FNDC1: variants seen among roughly 807,000 people sequenced by gnomAD.
FNDC1 encodes fibronectin type III domain containing 1, also known as fibronectin type III domain-containing protein 1.
A neutral mutation model predicts 168.0 loss-of-function variants in FNDC1; 96 were observed. The observed-to-expected ratio is 0.57, with a 90% confidence interval of 0.48 to 0.68. The LOEUF is 0.68. Among genes scored for constraint, FNDC1 ranks in the 30% least tolerant of loss-of-function variants. The pLI is 0.00. For missense variants in FNDC1, 2,587 were observed against 2,482.1 expected (o/e 1.04, Z -0.90); for synonymous variants, 1,099 against 1,025.9 (o/e 1.07, Z -1.36).
At position 159,169,494 on chromosome 6, in the gene FNDC1, C is replaced by A; in HGVS notation, c.-103C>A. The A allele has an allele frequency of 8.9e-6, 2 of 224,338 alleles. No homozygotes were observed. The highest frequency in any genetic ancestry group is 7.9e-6 in the Non-Finnish European group (1 of 126,236). 13.9% of individuals were successfully genotyped at this position (224,338 alleles called of 1,614,324 possible). A position where few individuals can be genotyped will look rare whatever the true frequency, so the allele number is the denominator to read the frequency against. On this transcript the variant is annotated 5_prime_UTR_variant, in exon 1 of 23. Transcript: ENST00000297267. The surrounding 1 kb of genome is among the most constrained non-coding windows in gnomAD (Gnocchi z 6.8). ...GCGCAGAGCGCGCAGAACAGACGGA[C>A]GGCGGCGGGGACCCGACGGCGGCGC...
intron 15 of FNDC1, among the ~76,000 whole-genome samples, 160 bp downstream of exon 15, chr6:159,247,129 C>T (rs888806915): frequency 4.6e-5 from 7 of 152,150 alleles, no homozygotes; most frequent in African/African-American, 1.7e-4. Flanking sequence ...TTGTACCCCA[C>T]GCTTCCTTGT....
At chr6:159,239,304 G>A (rs1783345534) in intron 13 of FNDC1, among the ~76,000 whole-genome samples, 1 of 152,156 alleles carries the variant, frequency 6.6e-6, no homozygotes, top group South Asian at 2.1e-4. Context: ...TTAGGCATAG[G>A]AATGAGGCAA....
intron 5 of FNDC1, among the ~76,000 whole-genome samples, chr6:159,217,058 T>G (rs999538247): frequency 6.6e-6 from 1 of 152,302 alleles, no homozygotes. Context: ...GTGTGCTATG[T>G]GGGGATGCGC....
intron 1 of FNDC1, among the ~76,000 whole-genome samples, chr6:159,182,214 G>C (rs919716432): frequency 2.0e-5 from 3 of 152,210 alleles, no homozygotes; most frequent in African/African-American, 7.2e-5. Context: ...AGCAGATTGT[G>C]TGTCCCTCTT....
intron 1 of FNDC1, among the ~76,000 whole-genome samples, chr6:159,174,984 A>G (rs1240873775): frequency 2.0e-5 from 3 of 152,204 alleles, no homozygotes; most frequent in African/African-American, 4.8e-5. Flanking sequence ...ATTATATACT[A>G]TGTATTCTAA....
At chr6:159,236,151 A>T in intron 11 of FNDC1, 64 bp from the exon 12 acceptor site, 1 of 1,195,152 alleles carries the variant, frequency 8.4e-7, no homozygotes, top group Non-Finnish European at 1.2e-6. Context: ...TTTGGTATGA[A>T]GCCAACTTCC....
At chr6:159,247,002 A>G in intron 15 of FNDC1, 33 bp downstream of exon 15, 1 of 1,401,074 alleles carries the variant, frequency 7.1e-7, no homozygotes, top group Non-Finnish European at 1.0e-6. Context: ...TTATTTGCAC[A>G]CTTTCTTTCC....
intron 16 of FNDC1, among the ~76,000 whole-genome samples, chr6:159,250,738 T>C (rs1415582479): frequency 2.0e-5 from 3 of 152,208 alleles, no homozygotes; most frequent in Admixed American, 6.5e-5. Context: ...GAGTAGCTAT[T>C]GTTATACTGA....
chr6:159,212,006 T>G (rs9457567), intron 4 of FNDC1, among the ~76,000 whole-genome samples: 61 of 152,106 alleles, frequency 4.0e-4, no homozygotes, highest in Non-Finnish European at 7.8e-4. Context: ...CTTCAGAATA[T>G]TTGCCAATTT....
rs747267222 is a variant in FNDC1 at position 159,200,004 on chromosome 6, G to T, written c.313G>T (p.Val105Leu). 3.0e-5 allele frequency: 48 copies of T among 1,604,640 alleles called. No individual in the cohort carries two copies. The highest frequency in any genetic ancestry group is 3.7e-5 in the Non-Finnish European group (44 of 1,175,414). The change falls in exon 3 of 23, where the codon GTA (valine) becomes TTA (leucine). Residue 105 changes from valine (V) to leucine (L), a missense_variant. Val to Leu is a conservative substitution (Grantham distance 32, BLOSUM62 1). Transcript: ENST00000297267. ...SFLIEDVEPG[V>L]VYFVLLTAEN... is the part of the protein sequence containing the mutation. ...TGAACCGTATGTTTCAGAGCCGGGG[G>T]TAGTGTACTTTGTGCTGCTTACTGC...
At chr6:159,182,421 T>C (rs1380494100) in intron 1 of FNDC1, among the ~76,000 whole-genome samples, 4 of 152,132 alleles carry the variant, frequency 2.6e-5, no homozygotes, top group Admixed American at 2.6e-4. Context: ...AAGCAGTGAG[T>C]GACCCAGGGC....
Position 159,260,830 on chromosome 6 carries a change from T to G in FNDC1, c.5175-360T>G, listed in dbSNP as rs954533827. 2.0e-5 allele frequency among the ~76,000 whole-genome samples: 3 copies of G among 152,348 alleles called. No homozygotes were observed. In the East Asian group the frequency reaches 5.8e-4, roughly 29 times the overall value. ...GAAGCGGAGTCCAGAGTCTTAAACCTGAGCAAGAGCAGGGCTAGAGGAACG... is the reference window on the plus strand; with the variant it reads ...GAAGCGGAGTCCAGAGTCTTAAACCGGAGCAAGAGCAGGGCTAGAGGAACG... On this transcript the variant is annotated intron_variant, in intron 18 of 22. Coordinates refer to ENST00000297267, the MANE Select transcript of FNDC1 (RefSeq NM_032532.3).
chr6:159,248,915 G>GTC lies in FNDC1; in HGVS notation c.4691-123_4691-122insCT, dbSNP rs1410170240. ...ATAGCATTTATTTTAGGGTGTGTGTGTGTGTGTGTCTGTCTGTCTGTCTGG... is the reference window on the plus strand; with the variant it reads ...ATAGCATTTATTTTAGGGTGTGTGTGTCTGTGTGTGTCTGTCTGTCTGTCTGG... On this transcript the variant is annotated intron_variant, in intron 15 of 22. Transcript: ENST00000297267. The GTC allele has an allele frequency of 4.6e-5, 36 of 781,146 alleles. No individual in the cohort carries two copies. The African/African-American group carries it at 5.5e-4, about 12-fold the overall frequency. The allele number at this position is 781,146 out of a possible 1,614,324, so 48.4% of individuals were successfully genotyped here.
At chr6:159,173,891 A>T (rs933061294) in intron 1 of FNDC1, among the ~76,000 whole-genome samples, 1 of 152,172 alleles carries the variant, frequency 6.6e-6, no homozygotes, top group East Asian at 1.9e-4. Flanking sequence ...GGACAAGGAC[A>T]TCTTTGGGGG....
chr6:159,196,476 T>G (rs559706154), intron 1 of FNDC1, among the ~76,000 whole-genome samples: 2 of 152,358 alleles, frequency 1.3e-5, no homozygotes, highest in East Asian at 3.9e-4. Context: ...AACTCACATA[T>G]GTGTCATCAC....
At chr6:159,171,679 T>A (rs1172114266) in intron 1 of FNDC1, among the ~76,000 whole-genome samples, 1 of 152,186 alleles carries the variant, frequency 6.6e-6, no homozygotes, top group African/African-American at 2.4e-5. Context: ...TGTCCCCTCC[T>A]CCACTCATAT....
chr6:159,262,320 A>G (rs1237434915), intron 19 of FNDC1, among the ~76,000 whole-genome samples: 2 of 152,282 alleles, frequency 1.3e-5, no homozygotes, highest in Non-Finnish European at 2.9e-5. Context: ...GATATTTTTA[A>G]GTGTAATGAT....
intron 6 of FNDC1, among the ~76,000 whole-genome samples, chr6:159,222,984 ATTTTTTTTTTT>A (rs201310702): frequency 4.3e-5 from 5 of 116,770 alleles, no homozygotes; most frequent in South Asian, 2.7e-4. Context: ...TGAAATACTC[ATTTTTTTTTTT>A]TTTTTTTTTT....
At chr6:159,207,402 C>A (rs1006206080) in intron 4 of FNDC1, among the ~76,000 whole-genome samples, 1 of 152,170 alleles carries the variant, frequency 6.6e-6, no homozygotes, top group Admixed American at 6.5e-5. Flanking sequence ...CTGGACTTGC[C>A]TTCCAGTCCT....
Sources: gnomAD v4.1 joint callset for allele counts (sites outside exome capture counted in the v4.1 genomes callset) on GRCh38, gnomAD v4.1.1 for gene constraint, Gnocchi (gnomAD v3.1) non-coding constraint, MANE v1.5 for transcripts, NCBI Gene and HGNC (gene_info 2026-07-23, HGNC 2026-07-21) for gene names.